The following SHISA9 variants were observed in gnomAD, a reference collection of about 807,000 sequenced individuals.
SHISA9 encodes protein shisa-9.
In SHISA9, 13 loss-of-function variants were observed where a neutral mutation model predicts 38.0. The ratio of observed to expected loss-of-function variants is 0.34; its 90% CI spans 0.22 to 0.54. SHISA9 has a LOEUF of 0.54. SHISA9 is among the 20% of genes least tolerant of loss of function. SHISA9 has a pLI of 0.91. For synonymous variants in SHISA9, 275 were observed against 242.0 expected (o/e 1.14, Z -1.27); for missense variants, 538 against 575.8 (o/e 0.93, Z 0.67).
At chr16:13,469,355 A>AAAGT in the SHISA9 span, among the ~76,000 whole-genome samples, 4 of 124,658 alleles carry the variant, frequency 3.2e-5, no homozygotes, top group African/African-American at 1.2e-4. Flanking sequence ...AGAAAGAAAG[A>AAAGT]AAGAAAAGAA....
At chr16:13,488,531 A>G in the SHISA9 span, among the ~76,000 whole-genome samples, 1 of 152,046 alleles carries the variant, frequency 6.6e-6, no homozygotes, top group African/African-American at 2.4e-5. Context: ...TACTGTTTCT[A>G]TGTTTGGATA....
intron 2 of SHISA9, among the ~76,000 whole-genome samples, chr16:12,952,598 G>T (rs1314204837): frequency 1.3e-5 from 2 of 152,202 alleles, no homozygotes; most frequent in African/African-American, 4.8e-5. Context: ...GGAGGTGATT[G>T]GATCATGGGG....
At chr16:13,335,594 G>C in the SHISA9 span, among the ~76,000 whole-genome samples, 10 of 152,184 alleles carry the variant, frequency 6.6e-5, no homozygotes. Flanking sequence ...CTGTCATTCA[G>C]CTCCATCCTT....
At chr16:12,972,315 C>T (rs2072095583) in intron 2 of SHISA9, among the ~76,000 whole-genome samples, 1 of 152,042 alleles carries the variant, frequency 6.6e-6, no homozygotes, top group South Asian at 2.1e-4. Context: ...AGCCAAGAAG[C>T]ACCACAGGTG....
the SHISA9 span, among the ~76,000 whole-genome samples, chr16:13,358,398 A>G: frequency 1.3e-5 from 2 of 152,030 alleles, no homozygotes; most frequent in African/African-American, 4.8e-5. Context: ...CCACCCCCCA[A>G]CAGGCTGTGC....
At chr16:13,104,460 A>C (rs544294152) in intron 2 of SHISA9, among the ~76,000 whole-genome samples, 1 of 152,244 alleles carries the variant, frequency 6.6e-6, no homozygotes, top group Non-Finnish European at 1.5e-5. Flanking sequence ...ATGTCAATCA[A>C]TTAGTAAATG....
chr16:12,943,448 T>C (rs11863742), intron 2 of SHISA9, among the ~76,000 whole-genome samples: 54,188 of 150,122 alleles, frequency 0.36, 10,220 homozygotes, highest in African/African-American at 0.44. Flanking sequence ...AACCTCTACC[T>C]ACCCCTTATT....
the SHISA9 span, among the ~76,000 whole-genome samples, chr16:13,370,686 C>A: frequency 6.6e-6 from 1 of 152,032 alleles, no homozygotes; most frequent in African/African-American, 2.4e-5. Context: ...TTGTTTTGAA[C>A]ATAATTTTAT....
At chr16:12,924,832 A>T (rs1482340526) in intron 2 of SHISA9, among the ~76,000 whole-genome samples, 1 of 152,294 alleles carries the variant, frequency 6.6e-6, no homozygotes, top group African/African-American at 2.4e-5. Flanking sequence ...AAGATTGGGT[A>T]TTTGCTGTGT....
intron 1 of SHISA9, among the ~76,000 whole-genome samples, chr16:12,915,045 G>T (rs2071236490): frequency 6.6e-6 from 1 of 152,214 alleles, no homozygotes; most frequent in Admixed American, 6.5e-5. Flanking sequence ...CTGTCTCCCA[G>T]TGTGTGGGCT....
the SHISA9 span, among the ~76,000 whole-genome samples, chr16:13,422,517 G>A: frequency 1.3e-5 from 2 of 151,990 alleles, no homozygotes; most frequent in African/African-American, 2.4e-5. Flanking sequence ...CCAACATGGC[G>A]AAACCCCATC....
intron 2 of SHISA9, among the ~76,000 whole-genome samples, chr16:12,958,980 G>A (rs940232619): frequency 1.3e-5 from 2 of 152,184 alleles, no homozygotes; most frequent in Non-Finnish European, 2.9e-5. Flanking sequence ...GGTATAGGGG[G>A]CAATGGGTAT....
chr16:13,442,316 AT>A, the SHISA9 span, among the ~76,000 whole-genome samples: 2 of 150,910 alleles, frequency 1.3e-5, no homozygotes, highest in South Asian at 2.1e-4. Flanking sequence ...CAAGGAAACA[AT>A]TTTTTTTTTG....
chr16:13,071,571 C>CCCTTCCTTCCTTCCTT (rs2073515602), intron 2 of SHISA9, among the ~76,000 whole-genome samples: 5 of 134,330 alleles, frequency 3.7e-5, no homozygotes, highest in African/African-American at 1.8e-4. Context: ...CTTCCTTCCT[C>CCCTTCCTTCCTTCCTT]CCTTCCTCCC....
chr16:12,917,176 A>G (rs975184095), intron 2 of SHISA9, among the ~76,000 whole-genome samples: 1 of 152,190 alleles, frequency 6.6e-6, no homozygotes, highest in Non-Finnish European at 1.5e-5. Context: ...CATTTTAGCT[A>G]GTCAATCTGT....
At chr16:13,357,399 G>A in the SHISA9 span, among the ~76,000 whole-genome samples, 1 of 152,138 alleles carries the variant, frequency 6.6e-6, no homozygotes, top group African/African-American at 2.4e-5. Context: ...GAGGGAGGTT[G>A]GAGAAGAGAG....
At chr16:13,255,425 C>T in the SHISA9 span, among the ~76,000 whole-genome samples, 1 of 152,172 alleles carries the variant, frequency 6.6e-6, no homozygotes, top group African/African-American at 2.4e-5. Flanking sequence ...ATGTGTGTGT[C>T]TTTCTCTTTC....
the SHISA9 span, among the ~76,000 whole-genome samples, chr16:13,289,821 T>C: frequency 6.6e-6 from 1 of 152,200 alleles, no homozygotes; most frequent in Non-Finnish European, 1.5e-5. Flanking sequence ...TCTAACTTTC[T>C]TTTCAGACAC....
At chr16:13,554,244 T>C in the SHISA9 span, among the ~76,000 whole-genome samples, 2 of 150,398 alleles carry the variant, frequency 1.3e-5, no homozygotes, top group South Asian at 4.2e-4. Context: ...TCTGATTGGT[T>C]CAAACCTAAT....
Sources: gnomAD v4.1 joint callset for allele counts (sites outside exome capture counted in the v4.1 genomes callset) on GRCh38, gnomAD v4.1.1 for gene constraint, MANE v1.5 for transcripts, NCBI Gene and HGNC (gene_info 2026-07-23, HGNC 2026-07-21) for gene names.